Variants in FRMD4A observed in about 807,000 individuals in gnomAD.
The protein encoded by FRMD4A is FERM domain containing 4A.
A neutral mutation model predicts 129.1 loss-of-function variants in FRMD4A; 29 were observed. That is an observed-to-expected ratio of 0.22 (90% CI 0.17 to 0.31). The LOEUF (loss-of-function observed/expected upper bound fraction) is 0.31, where lower values mean the gene tolerates loss of function less well. Ranked by LOEUF, FRMD4A falls within the 10% of genes least tolerant of loss-of-function variation. The probability of loss-of-function intolerance (pLI) is 1.00; values close to 1 mark genes in which losing one functional copy is unlikely to be tolerated. For missense variants in FRMD4A, 1,272 were observed against 1,375.8 expected (o/e 0.92, Z 1.19); for synonymous variants, 634 against 571.6 (o/e 1.11, Z -1.56).
At chr10:13,701,875 G>A (rs1401737078) in intron 13 of FRMD4A, among the ~76,000 whole-genome samples, 2 of 152,184 alleles carry the variant, frequency 1.3e-5, no homozygotes, top group African/African-American at 2.4e-5. Context: ...CGGTGGGGAT[G>A]AGTAAATTAT....
chr10:14,246,771 G>A (rs1373272616), intron 2 of FRMD4A, among the ~76,000 whole-genome samples: 3 of 152,092 alleles, frequency 2.0e-5, no homozygotes, highest in Admixed American at 1.3e-4. Context: ...GTTAGGTCCC[G>A]CCTCGGTGGA....
chr10:14,067,265 G>T (rs540015843), intron 2 of FRMD4A, among the ~76,000 whole-genome samples: 1 of 152,084 alleles, frequency 6.6e-6, no homozygotes, highest in South Asian at 2.1e-4. Context: ...GCAGTGAGCC[G>T]AGACCATGCC....
intron 2 of FRMD4A, among the ~76,000 whole-genome samples, chr10:13,876,381 C>G (rs923763964): frequency 6.6e-6 from 1 of 152,202 alleles, no homozygotes; most frequent in African/African-American, 2.4e-5. Context: ...TTAGTACAGA[C>G]TGATAGGCAC....
intron 3 of FRMD4A, among the ~76,000 whole-genome samples, chr10:13,813,028 A>G (rs2093475631): frequency 6.6e-6 from 1 of 152,256 alleles, no homozygotes; most frequent in South Asian, 2.1e-4. Flanking sequence ...CTTCCGGTAA[A>G]TGCTGTGTTT....
chr10:13,985,007 C>T (rs1390242172), intron 2 of FRMD4A, among the ~76,000 whole-genome samples: 2 of 152,256 alleles, frequency 1.3e-5, no homozygotes, highest in African/African-American at 4.8e-5. Flanking sequence ...ACTCCTGAAG[C>T]AGGCAGGGAC....
At chr10:13,920,473 G>A (rs2095058880) in intron 2 of FRMD4A, among the ~76,000 whole-genome samples, 1 of 152,178 alleles carries the variant, frequency 6.6e-6, no homozygotes, top group East Asian at 1.9e-4. Flanking sequence ...GATTTTTAAG[G>A]TGATTATAGG....
intron 15 of FRMD4A, among the ~76,000 whole-genome samples, chr10:13,689,274 AGCAGAAAT>A (rs1015079279): frequency 1.4e-5 from 2 of 144,362 alleles, no homozygotes; most frequent in Admixed American, 1.5e-4. Context: ...GTTGGGAGCT[AGCAGAAAT>A]GTTTATACCA....
chr10:14,151,106 T>A (rs1840316579), intron 2 of FRMD4A, among the ~76,000 whole-genome samples: 1 of 152,176 alleles, frequency 6.6e-6, no homozygotes, highest in Non-Finnish European at 1.5e-5. Flanking sequence ...TACTGATCCC[T>A]CCTGAGTCTG....
At chr10:14,143,198 T>A (rs1839921277) in intron 2 of FRMD4A, among the ~76,000 whole-genome samples, 1 of 152,218 alleles carries the variant, frequency 6.6e-6, no homozygotes, top group African/African-American at 2.4e-5. Flanking sequence ...ATTGCAGCAT[T>A]ATTTGCAATA....
chr10:14,176,836 G>T (rs919180201), intron 2 of FRMD4A, among the ~76,000 whole-genome samples: 3 of 151,888 alleles, frequency 2.0e-5, no homozygotes, highest in Admixed American at 6.6e-5. Context: ...CTCCCCAAAG[G>T]TTTCATTTTT....
chr10:14,223,458 G>T (rs1362944188), intron 2 of FRMD4A, among the ~76,000 whole-genome samples: 1 of 152,114 alleles, frequency 6.6e-6, no homozygotes, highest in Non-Finnish European at 1.5e-5. Flanking sequence ...GAGCCAAATA[G>T]GGGCTGGGTA....
chr10:13,983,831 C>A (rs2095571062), intron 2 of FRMD4A, among the ~76,000 whole-genome samples: 1 of 146,066 alleles, frequency 6.8e-6, no homozygotes, highest in African/African-American at 2.7e-5. Flanking sequence ...GAAACCTCGT[C>A]TCTACTAAAA....
chr10:14,289,635 C>T (rs1260505877), intron 2 of FRMD4A, among the ~76,000 whole-genome samples: 1 of 152,056 alleles, frequency 6.6e-6, no homozygotes, highest in African/African-American at 2.4e-5. Context: ...CAATAAAGTC[C>T]ATATATGAAA....
intron 2 of FRMD4A, among the ~76,000 whole-genome samples, chr10:14,297,669 C>T (rs962986943): frequency 6.6e-6 from 1 of 152,180 alleles, no homozygotes; most frequent in African/African-American, 2.4e-5. Flanking sequence ...ACGTTAACCA[C>T]TTTTTGTAAA....
At chr10:13,811,306 T>C (rs1305421476) in intron 3 of FRMD4A, among the ~76,000 whole-genome samples, 3 of 149,804 alleles carry the variant, frequency 2.0e-5, no homozygotes, top group African/African-American at 7.4e-5. Flanking sequence ...TTTTTTTTTT[T>C]GGTTTTAGGA....
At chr10:14,033,293 C>T (rs548417858) in intron 2 of FRMD4A, among the ~76,000 whole-genome samples, 11 of 139,954 alleles carry the variant, frequency 7.9e-5, no homozygotes, top group Admixed American at 2.2e-4. Context: ...GCCAACAGAG[C>T]GAGACTGTGT....
At chr10:13,938,654 G>T (rs1238385350) in intron 2 of FRMD4A, among the ~76,000 whole-genome samples, 1 of 152,182 alleles carries the variant, frequency 6.6e-6, no homozygotes, top group African/African-American at 2.4e-5. Context: ...TTTATACAGG[G>T]CACAGAAGGG....
At chr10:14,102,540 G>A (rs1837363676) in intron 2 of FRMD4A, among the ~76,000 whole-genome samples, 1 of 152,212 alleles carries the variant, frequency 6.6e-6, no homozygotes, top group Non-Finnish European at 1.5e-5. Context: ...TCTGGACACA[G>A]AGGGCCGAGA....
chr10:13,720,038 C>G (rs2089269197), intron 12 of FRMD4A, among the ~76,000 whole-genome samples: 1 of 152,112 alleles, frequency 6.6e-6, no homozygotes, highest in Admixed American at 6.6e-5. Flanking sequence ...TCTCTGCAAC[C>G]CTTCCTTGGA....
Sources: gnomAD v4.1 joint callset for allele counts (sites outside exome capture counted in the v4.1 genomes callset) on GRCh38, gnomAD v4.1.1 for gene constraint, MANE v1.5 for transcripts, NCBI Gene and HGNC (gene_info 2026-07-23, HGNC 2026-07-21) for gene names.